The following TRAF3 variants were observed in gnomAD, a reference collection of about 807,000 sequenced individuals.
TRAF3 encodes the protein TNF receptor-associated factor 3.
TRAF3 carries 13 observed loss-of-function variants against 62.3 expected under a neutral mutation model. The observed-to-expected ratio is 0.21, with a 90% CI of 0.14 to 0.33. The LOEUF (loss-of-function observed/expected upper bound fraction) is 0.33, where lower values mean the gene tolerates loss of function less well. Ranked by LOEUF, TRAF3 falls within the 10% of genes least tolerant of loss-of-function variation. The probability of loss-of-function intolerance (pLI) is 1.00; values close to 1 mark genes in which losing one functional copy is unlikely to be tolerated. For missense variants in TRAF3, 440 were observed against 741.8 expected, an observed-to-expected ratio of 0.59 and a Z score of 4.73; for synonymous variants, 269 against 283.4, an observed-to-expected ratio of 0.95 and a Z score of 0.51.
chr14:102,879,861 G>C (rs747262321), intron 6 of TRAF3, among the ~76,000 whole-genome samples: 23 of 152,144 alleles, frequency 1.5e-4, no homozygotes, highest in Non-Finnish European at 3.2e-4. Context: ...TCACACCTGT[G>C]TGCCCAGCAC....
intron 2 of TRAF3, among the ~76,000 whole-genome samples, chr14:102,860,443 T>C (rs8013266): frequency 0.34 from 52,083 of 152,128 alleles, 11,953 homozygotes; most frequent in African/African-American, 0.65. Flanking sequence ...AGTCCCAGGC[T>C]GTTAGAGCTT....
At chr14:102,861,943 C>CT (rs146143593) in intron 2 of TRAF3, among the ~76,000 whole-genome samples, 9 of 152,294 alleles carry the variant, frequency 5.9e-5, no homozygotes, top group Admixed American at 2.0e-4. Flanking sequence ...ATCCTGGATG[C>CT]TAAACCCTTA....
At chr14:102,820,032 T>G (rs1899795112) in intron 1 of TRAF3, among the ~76,000 whole-genome samples, 1 of 152,178 alleles carries the variant, frequency 6.6e-6, no homozygotes, top group Non-Finnish European at 1.5e-5. Flanking sequence ...CCCTCCCGTG[T>G]AGGGGGTGGG....
At chr14:102,853,875 A>G (rs1302245608) in intron 2 of TRAF3, among the ~76,000 whole-genome samples, 1 of 151,382 alleles carries the variant, frequency 6.6e-6, no homozygotes, top group African/African-American at 2.4e-5. Flanking sequence ...AACCATCACT[A>G]CTATCTAATT....
At chr14:102,795,895 C>T (rs1566740769) in intron 1 of TRAF3, among the ~76,000 whole-genome samples, 1 of 152,104 alleles carries the variant, frequency 6.6e-6, no homozygotes, top group Non-Finnish European at 1.5e-5. Flanking sequence ...GATTGTAAGT[C>T]ATGCCTGTGT....
chr14:102,778,868 G>C (rs1402541823), intron 1 of TRAF3, among the ~76,000 whole-genome samples: 2 of 152,190 alleles, frequency 1.3e-5, no homozygotes, highest in African/African-American at 4.8e-5. Context: ...TGTCTCTCAC[G>C]TCTTTGAAAA....
chr14:102,836,010 G>A (rs1254200722), intron 2 of TRAF3, among the ~76,000 whole-genome samples: 2 of 152,228 alleles, frequency 1.3e-5, no homozygotes, highest in African/African-American at 4.8e-5. Flanking sequence ...ACACTGAGCT[G>A]TGATTGTGCC....
intron 1 of TRAF3, among the ~76,000 whole-genome samples, chr14:102,803,363 G>A (rs1898563473): frequency 2.6e-5 from 4 of 152,142 alleles, no homozygotes; most frequent in South Asian, 2.1e-4. Flanking sequence ...GGCTAAGGGC[G>A]TGAGTGCTGG....
At chr14:102,871,298 C>G (rs56207619) in intron 3 of TRAF3, among the ~76,000 whole-genome samples, 2 of 152,264 alleles carry the variant, frequency 1.3e-5, no homozygotes, top group African/African-American at 4.8e-5. Flanking sequence ...GTCAGCTAAC[C>G]TTTGCCCACT....
At chr14:102,813,507 G>A (rs1304283287) in intron 1 of TRAF3, among the ~76,000 whole-genome samples, 2 of 150,654 alleles carry the variant, frequency 1.3e-5, no homozygotes, top group Non-Finnish European at 3.0e-5. Flanking sequence ...CTGGAGTGCA[G>A]TGGTGTGATC....
At chr14:102,868,345 T>A (rs908005486) in intron 2 of TRAF3, among the ~76,000 whole-genome samples, 11 of 152,152 alleles carry the variant, frequency 7.2e-5, no homozygotes, top group Non-Finnish European at 1.3e-4. Context: ...TCCCTGAGGC[T>A]CCTGAGTCTG....
intron 7 of TRAF3, 44 bp from the exon 8 acceptor site, chr14:102,889,516 A>C: frequency 6.3e-7 from 1 of 1,597,600 alleles, no homozygotes; most frequent in Non-Finnish European, 8.6e-7. Flanking sequence ...GAACATTTTC[A>C]TGCAAACGTT....
At chr14:102,805,905 A>T (rs1035352612) in intron 1 of TRAF3, among the ~76,000 whole-genome samples, 2 of 151,832 alleles carry the variant, frequency 1.3e-5, no homozygotes, top group African/African-American at 4.8e-5. Flanking sequence ...AGTTGTTTTT[A>T]AGTGAACATT....
chr14:102,832,285 G>A (rs892169564), intron 2 of TRAF3, among the ~76,000 whole-genome samples: 6 of 152,062 alleles, frequency 3.9e-5, no homozygotes, highest in South Asian at 2.1e-4. Flanking sequence ...CAGAAAAGAC[G>A]TCTACTTTCT....
chr14:102,808,949 G>A (rs1407347010), intron 1 of TRAF3: 1 of 151,958 alleles, frequency 6.6e-6, no homozygotes, highest in Non-Finnish European at 1.5e-5. Flanking sequence ...CCGAGCAGCT[G>A]GGATTACAGG....
At chr14:102,878,592 G>GA (rs1399877830) in intron 6 of TRAF3, among the ~76,000 whole-genome samples, 2 of 152,138 alleles carry the variant, frequency 1.3e-5, no homozygotes, top group African/African-American at 4.8e-5. Flanking sequence ...CCTCTAGTGG[G>GA]AAAAAATACT....
At chr14:102,845,444 C>T (rs1346647093) in intron 2 of TRAF3, among the ~76,000 whole-genome samples, 3 of 151,902 alleles carry the variant, frequency 2.0e-5, no homozygotes, top group African/African-American at 7.3e-5. Flanking sequence ...CTCAGGTGAT[C>T]TGCCCACCTC....
At chr14:102,889,457 A>G (rs1017023891) in intron 7 of TRAF3, 103 bp from the exon 8 acceptor site, 1 of 1,198,266 alleles carries the variant, frequency 8.3e-7, no homozygotes, top group African/African-American at 1.5e-5. Context: ...AGCGATAAAC[A>G]CCATTCTTAA....
chr14:102,903,648 C>G lies in TRAF3; in HGVS notation c.1135+219C>G, dbSNP rs1890424538. The G allele has an allele frequency of 4.2e-6, 3 of 718,994 alleles. No individual in the cohort carries two copies. The highest frequency in any genetic ancestry group is 3.5e-5 in the African/African-American group (2 of 57,414). 44.5% of individuals were successfully genotyped at this position (718,994 alleles called of 1,614,324 possible). A position where few individuals can be genotyped will look rare whatever the true frequency, so the allele number is the denominator to read the frequency against. On this transcript the variant is annotated intron_variant, in intron 11 of 11. Coordinates refer to ENST00000392745, the MANE Select transcript of TRAF3 (RefSeq NM_145725.3). This position sits in a 1 kb window ranked among gnomAD's most constrained non-coding sequence, Gnocchi z 6.4. ...AGGCTTGTCCCCTCCGTGTGAGGCCCTACATGGTGTAGAAAGTAGGGGCAG... is the reference window on the plus strand; with the variant it reads ...AGGCTTGTCCCCTCCGTGTGAGGCCGTACATGGTGTAGAAAGTAGGGGCAG...
Sources: allele counts gnomAD v4.1 joint callset (sites outside exome capture counted in the v4.1 genomes callset), GRCh38; gene constraint gnomAD v4.1.1; non-coding constraint Gnocchi (gnomAD v3.1); transcripts MANE v1.5; gene names NCBI Gene and HGNC (gene_info 2026-07-23, HGNC 2026-07-21).